The following FAM149B1 variants were observed in gnomAD, a reference collection of about 807,000 sequenced individuals.
FAM149B1 encodes family with sequence similarity 149 member B1.
A neutral mutation model predicts 75.3 loss-of-function variants in FAM149B1; 56 were observed. The observed-to-expected ratio is 0.74, with a 90% CI of 0.60 to 0.93. FAM149B1 has a LOEUF of 0.93. Ranked by LOEUF, FAM149B1 falls within the 40% of genes least tolerant of loss-of-function variation. The probability of loss-of-function intolerance (pLI) is 0.00; values close to 1 mark genes in which losing one functional copy is unlikely to be tolerated. For synonymous variants in FAM149B1, 259 were observed against 256.1 expected (o/e 1.01, Z -0.11); for missense variants, 639 against 708.4 (o/e 0.90, Z 1.11).
At chr10:73,229,184 C>T (rs963485175) in intron 8 of FAM149B1, among the ~76,000 whole-genome samples, 5 of 152,062 alleles carry the variant, frequency 3.3e-5, no homozygotes, top group Non-Finnish European at 5.9e-5. Context: ...TTGGTCTTAT[C>T]CCTGTGTAAT....
chr10:73,174,645 T>C, intron 1 of FAM149B1, 42 bp from the exon 2 acceptor site: 2 of 1,383,184 alleles, frequency 1.4e-6, no homozygotes, highest in Non-Finnish European at 2.0e-6. Flanking sequence ...ATTGTATGTA[T>C]TTTTTTATAC....
At chr10:73,232,761 T>TTC (rs1482052757) in intron 9 of FAM149B1, among the ~76,000 whole-genome samples, 178 bp from the exon 10 acceptor site, 2 of 152,378 alleles carry the variant, frequency 1.3e-5, no homozygotes, top group African/African-American at 4.8e-5. Flanking sequence ...TAAGAACAGA[T>TTC]TCTCATGCCT....
chr10:73,191,529 G>A (rs2042684873), intron 3 of FAM149B1, among the ~76,000 whole-genome samples: 1 of 151,920 alleles, frequency 6.6e-6, no homozygotes, highest in Non-Finnish European at 1.5e-5. Context: ...GTAGAGACAG[G>A]GTTTCATCAT....
chr10:73,212,228 G>T (rs1190786779), intron 7 of FAM149B1, among the ~76,000 whole-genome samples: 1 of 152,170 alleles, frequency 6.6e-6, no homozygotes, highest in Non-Finnish European at 1.5e-5. Flanking sequence ...CACTTAGGCT[G>T]ATTCCATATC....
chr10:73,193,373 C>A, intron 4 of FAM149B1, 104 bp from the exon 5 acceptor site: 1 of 1,106,426 alleles, frequency 9.0e-7, no homozygotes, highest in Non-Finnish European at 1.3e-6. Flanking sequence ...AGACTGTATA[C>A]TGGACTTTTA....
At chr10:73,232,318 G>T (rs1354935594) in intron 9 of FAM149B1, among the ~76,000 whole-genome samples, 1 of 152,186 alleles carries the variant, frequency 6.6e-6, no homozygotes, top group Non-Finnish European at 1.5e-5. Context: ...ACAGAAAAGG[G>T]TTGTATTTCA....
At position 73,172,825 on chromosome 10, in the gene FAM149B1, C is replaced by T. The variant is rs377674352; in HGVS notation, c.48-1862C>T. ...ATTAAAAAAGAAAGGTGAAATTGGC[C>T]GAGTGCAGTGGCTCATGTCTTGAAT... On this transcript the variant is annotated intron_variant, in intron 1 of 13. Transcript: ENST00000242505. 6.6e-5 allele frequency among the ~76,000 whole-genome samples: 10 copies of T among 151,590 alleles called. No individual in the cohort carries two copies. The East Asian group carries it at 1.4e-3, about 21-fold the overall frequency.
In FAM149B1 at chr10:73,243,309, G is replaced by C. The variant is rs2043974442; in HGVS notation, c.*2290G>C. ...GCTGGAAAGACACCTTTTCTCAAGA[G>C]CTGAATTGACTTTTGCCTTCAAATC... is the stretch of plus-strand genomic sequence containing the variant. On this transcript the variant is annotated 3_prime_UTR_variant, in exon 14 of 14. Transcript: ENST00000242505. 4.1e-6 allele frequency: 6 copies of C among 1,447,800 alleles called. No homozygotes were observed. Among genetic ancestry groups the C allele is most frequent in the Non-Finnish European group, 4.7e-6 (5 of 1,055,586 alleles). 89.7% of individuals were successfully genotyped at this position (1,447,800 alleles called of 1,614,324 possible).
In FAM149B1 at chr10:73,237,421, CTT is replaced by C. The variant is rs539055192; in HGVS notation, c.1603-1879_1603-1878del. ...TATTACACAGCTAGATTCTCTGAAA[CTT>C]TTTTTTTTTTTGAGACGGAGTCTTA... On this transcript the variant is annotated intron_variant, in intron 12 of 13. Coordinates refer to ENST00000242505, the MANE Select transcript of FAM149B1 (RefSeq NM_173348.2). 1.1e-4 allele frequency among the ~76,000 whole-genome samples: 16 copies of C among 145,890 alleles called. 1 individual carries two copies. The highest frequency in any genetic ancestry group is 6.5e-4 in the South Asian group (3 of 4,640).
At chr10:73,204,170 G>A (rs1392069177) in intron 5 of FAM149B1, among the ~76,000 whole-genome samples, 1 of 151,848 alleles carries the variant, frequency 6.6e-6, no homozygotes, top group African/African-American at 2.4e-5. Context: ...TGTTGCCCAG[G>A]CTGGAGTGCA....
rs956995983 is a variant in FAM149B1 at position 73,210,677 on chromosome 10, G to C, written c.898+239G>C. On this transcript the variant is annotated intron_variant, in intron 7 of 13. Transcript: ENST00000242505. ...ATCTCTCTAAAAAAATTAAAAATTA[G>C]CCAGGCATGGTGGCATTCACCTATA... Among the ~76,000 whole-genome samples the C allele has an allele frequency of 3.3e-5, 5 of 152,076 alleles. No homozygotes were observed. The South Asian group carries it at 1.0e-3, about 32-fold the overall frequency.
intron 3 of FAM149B1, among the ~76,000 whole-genome samples, chr10:73,188,653 G>A (rs1298016715): frequency 6.6e-6 from 1 of 151,656 alleles, no homozygotes; most frequent in Non-Finnish European, 1.5e-5. Context: ...CCTGGGAGGT[G>A]GAGGTTGCAG....
intron 8 of FAM149B1, 54 bp from the exon 9 acceptor site, chr10:73,230,368 C>A: frequency 1.0e-6 from 1 of 966,048 alleles, no homozygotes; most frequent in South Asian, 1.4e-5. Context: ...GTTGGAAAAC[C>A]AAACAGGTAT....
At chr10:73,175,100 TA>T (rs1843889293) in intron 2 of FAM149B1, among the ~76,000 whole-genome samples, 2 of 152,144 alleles carry the variant, frequency 1.3e-5, no homozygotes, top group African/African-American at 2.4e-5. Context: ...GCTTGGTACT[TA>T]CAATCCCAGC....
chr10:73,228,065 G>A lies in FAM149B1; in HGVS notation c.904G>A (p.Glu302Lys), dbSNP rs1298525794. The change falls in exon 8 of 14, where the codon GAG becomes AAG. Residue 302 changes from glutamate to lysine, a missense_variant. Coordinates refer to ENST00000242505, the MANE Select transcript of FAM149B1 (RefSeq NM_173348.2). ...SHWEGFASDD[E>K]SNVAVTRPDS... ...TATCCTGTTCCTTTGCCCAGATGAT[G>A]AGAGTAATGTTGCAGTTACCAGACC... is the stretch of plus-strand genomic sequence containing the variant. 1 of 1,551,668 alleles carries A rather than the reference G, an allele frequency of 6.4e-7. No homozygotes were observed. The highest frequency in any genetic ancestry group is 8.7e-7 in the Non-Finnish European group (1 of 1,146,848).
chr10:73,236,790 A>G (rs541547952), intron 12 of FAM149B1, among the ~76,000 whole-genome samples: 3 of 148,174 alleles, frequency 2.0e-5, no homozygotes, highest in East Asian at 4.0e-4. Flanking sequence ...AGCACAGCTC[A>G]CTGCAGCCTC....
intron 5 of FAM149B1, chr10:73,200,964 A>T (rs1033053420): frequency 4.6e-6 from 2 of 433,700 alleles, no homozygotes; most frequent in Non-Finnish European, 9.2e-6. Flanking sequence ...GGGAATTCTG[A>T]TCAGGGTCAA....
At chr10:73,230,616 C>A in intron 9 of FAM149B1, 91 bp downstream of exon 9, 1 of 688,000 alleles carries the variant, frequency 1.5e-6, no homozygotes, top group Non-Finnish European at 2.6e-6. Context: ...TATTGAGTGC[C>A]AACCAAGCAA....
At position 73,243,491 on chromosome 10, in the gene FAM149B1, A is replaced by G. The variant is rs138431351; in HGVS notation, c.*2472A>G. On this transcript the variant is annotated 3_prime_UTR_variant, in exon 14 of 14. Coordinates refer to ENST00000242505, the MANE Select transcript of FAM149B1 (RefSeq NM_173348.2). Reference sequence around the variant, plus strand: ...TTCCATCTGAGCCAGAAAATTGTCCATTTCCTTTTGCCGATCCTTTTGTCT... The same window carrying G: ...TTCCATCTGAGCCAGAAAATTGTCCGTTTCCTTTTGCCGATCCTTTTGTCT... The G allele has an allele frequency of 2.1e-5, 34 of 1,614,096 alleles. No homozygotes were observed. The highest frequency in any genetic ancestry group is 1.6e-4 in the Middle Eastern group (1 of 6,062).
Sources: gnomAD v4.1 joint callset for allele counts (sites outside exome capture counted in the v4.1 genomes callset) on GRCh38, gnomAD v4.1.1 for gene constraint, MANE v1.5 for transcripts, NCBI Gene and HGNC (gene_info 2026-07-23, HGNC 2026-07-21) for gene names.